ASTN2: variants seen among roughly 807,000 people sequenced by gnomAD.
ASTN2 encodes the protein astrotactin-2.
Under a neutral mutation model 139.8 loss-of-function variants are expected in ASTN2, and 54 were observed. The observed-to-expected ratio is 0.39, with a 90% CI of 0.31 to 0.48. The LOEUF is 0.48. ASTN2 is among the 20% of genes least tolerant of loss of function. ASTN2 has a pLI of 0.95. For missense variants in ASTN2, 1,565 were observed against 1,725.1 expected (o/e 0.91, Z 1.64); for synonymous variants, 756 against 719.5 (o/e 1.05, Z -0.81).
chr9:117,357,630 C>G (rs1829578064), intron 1 of ASTN2, among the ~76,000 whole-genome samples: 1 of 152,032 alleles, frequency 6.6e-6, no homozygotes. Context: ...TTATCATTTT[C>G]TCTATCTCAA....
chr9:116,614,955 A>C (rs1230932479), intron 19 of ASTN2, among the ~76,000 whole-genome samples: 1 of 152,198 alleles, frequency 6.6e-6, no homozygotes. Context: ...AATGGGAGAA[A>C]ATTTTTGCAA....
chr9:116,552,333 G>C (rs1173768097), intron 19 of ASTN2: 1 of 152,188 alleles, frequency 6.6e-6, no homozygotes, highest in Admixed American at 6.5e-5. Flanking sequence ...TGGTGTCAGA[G>C]TTAAGGGGGA....
intron 13 of ASTN2, among the ~76,000 whole-genome samples, chr9:116,780,352 T>C (rs955874094): frequency 2.0e-5 from 3 of 152,222 alleles, no homozygotes; most frequent in African/African-American, 7.2e-5. Flanking sequence ...CCAAATTTGC[T>C]CACTGAATGG....
chr9:116,513,691 GT>G (rs544573374), intron 19 of ASTN2, among the ~76,000 whole-genome samples: 442 of 151,560 alleles, frequency 2.9e-3, no homozygotes, highest in Non-Finnish European at 5.2e-3. Flanking sequence ...TGGAGGCTTT[GT>G]TTGTTTCTTT....
intron 13 of ASTN2, among the ~76,000 whole-genome samples, chr9:116,790,786 T>A (rs1425361552): frequency 6.6e-6 from 1 of 151,256 alleles, no homozygotes; most frequent in Non-Finnish European, 1.5e-5. Context: ...GCGATTCTCC[T>A]GCCTCAGCCT....
At chr9:117,045,131 CTG>C (rs756221910) in intron 5 of ASTN2, among the ~76,000 whole-genome samples, 3 of 151,956 alleles carry the variant, frequency 2.0e-5, no homozygotes, top group Non-Finnish European at 4.4e-5. Context: ...CACAAAATCT[CTG>C]TGTGACACTA....
chr9:116,820,891 G>A lies in ASTN2; in HGVS notation c.2041-108C>T, dbSNP rs761344693. The A allele has an allele frequency of 3.5e-6, 4 of 1,147,234 alleles. No individual in the cohort carries two copies. In the East Asian group the frequency reaches 1.1e-4, roughly 31 times the overall value. 71.1% of individuals were successfully genotyped at this position (1,147,234 alleles called of 1,614,324 possible). On this transcript the variant is annotated intron_variant, in intron 11 of 22. Coordinates refer to ENST00000313400, the MANE Select transcript of ASTN2 (RefSeq NM_001365068.1). ...ACATGTGTCAGGGCCTGACAGAAAG[G>A]TATTCAGTCTCCTTTTGTCAGTTAA... is the stretch of plus-strand genomic sequence containing the variant.
At chr9:117,021,430 C>T (rs1837875882) in intron 6 of ASTN2, among the ~76,000 whole-genome samples, 1 of 152,148 alleles carries the variant, frequency 6.6e-6, no homozygotes, top group Non-Finnish European at 1.5e-5. Flanking sequence ...GACCAAACCC[C>T]ATGGGGCATT....
chr9:116,789,763 A>G (rs557236495), intron 13 of ASTN2, among the ~76,000 whole-genome samples: 15 of 152,228 alleles, frequency 9.9e-5, no homozygotes, highest in African/African-American at 3.4e-4. Context: ...ATGCTGGCAA[A>G]TTTGCATCTC....
chr9:116,871,334 G>A (rs566514094), intron 10 of ASTN2, among the ~76,000 whole-genome samples: 1 of 152,288 alleles, frequency 6.6e-6, no homozygotes, highest in African/African-American at 2.4e-5. Flanking sequence ...GCTTTGTTGA[G>A]ATATAATTCA....
chr9:116,731,123 A>G (rs1828765859), intron 14 of ASTN2, among the ~76,000 whole-genome samples: 1 of 151,050 alleles, frequency 6.6e-6, no homozygotes, highest in Admixed American at 6.6e-5. Flanking sequence ...TCAGCTCCCC[A>G]CCTGGGGATT....
At chr9:116,631,730 C>T (rs1856754202) in intron 17 of ASTN2, among the ~76,000 whole-genome samples, 1 of 151,958 alleles carries the variant, frequency 6.6e-6, no homozygotes, top group African/African-American at 2.4e-5. Context: ...AGAATGTTCC[C>T]AATGTAAAAA....
intron 10 of ASTN2, among the ~76,000 whole-genome samples, chr9:116,967,085 TG>T (rs1836032205): frequency 6.6e-6 from 1 of 152,160 alleles, no homozygotes. Context: ...ATCACTGAGT[TG>T]TTGTGAGGAG....
At position 117,301,839 on chromosome 9, in the gene ASTN2, T is replaced by TTTCACTGGGTTGACCTTTAACA. The variant is rs531439448; in HGVS notation, c.443-10348_443-10327dup. Among the ~76,000 whole-genome samples, 1,098 of 152,286 alleles carry TTTCACTGGGTTGACCTTTAACA rather than the reference T, an allele frequency of 7.2e-3. 7 individuals are homozygous for TTTCACTGGGTTGACCTTTAACA. Among genetic ancestry groups the TTTCACTGGGTTGACCTTTAACA allele is most frequent in the Non-Finnish European group, 0.013 (877 of 68,022 alleles). The stretch of plus-strand genomic sequence containing the variant: ...TAAGATCACTTTGCTCCTTCCTATA[T>TTTCACTGGGTTGACCTTTAACA]TTCACTGGGTTGACCTTTAACAAAT... On this transcript the variant is annotated intron_variant, in intron 1 of 22. Coordinates refer to ENST00000313400, the MANE Select transcript of ASTN2 (RefSeq NM_001365068.1).
intron 5 of ASTN2, among the ~76,000 whole-genome samples, chr9:117,070,197 C>G (rs1828076436): frequency 7.6e-6 from 1 of 130,968 alleles, no homozygotes; most frequent in Non-Finnish European, 1.6e-5. Context: ...TCTTTTAGGG[C>G]AGGTCTGGTG....
At chr9:117,142,156 TAA>T (rs930337112) in intron 3 of ASTN2, among the ~76,000 whole-genome samples, 19 of 152,176 alleles carry the variant, frequency 1.2e-4, no homozygotes, top group African/African-American at 4.3e-4. Flanking sequence ...ATTGGAGTGA[TAA>T]AGACATCTGG....
chr9:116,999,433 G>A (rs375233979), intron 7 of ASTN2, among the ~76,000 whole-genome samples: 21 of 151,894 alleles, frequency 1.4e-4, no homozygotes, highest in East Asian at 9.7e-4. Context: ...TGAAGTTCAC[G>A]GTATGTAACA....
chr9:117,036,116 A>G (rs921750802), intron 6 of ASTN2, among the ~76,000 whole-genome samples: 7 of 152,176 alleles, frequency 4.6e-5, no homozygotes, highest in African/African-American at 1.7e-4. Flanking sequence ...GATAGGTGAG[A>G]AAAATGAGAC....
At chr9:116,678,641 T>G (rs1049200449) in intron 16 of ASTN2, among the ~76,000 whole-genome samples, 4 of 152,172 alleles carry the variant, frequency 2.6e-5, no homozygotes, top group African/African-American at 9.7e-5. Context: ...AGGGTTGATC[T>G]TGTAAAAAAC....
Sources: gnomAD v4.1 joint callset for allele counts (sites outside exome capture counted in the v4.1 genomes callset) on GRCh38, gnomAD v4.1.1 for gene constraint, MANE v1.5 for transcripts, NCBI Gene and HGNC (gene_info 2026-07-23, HGNC 2026-07-21) for gene names.